GABRA2: variants seen among roughly 807,000 people sequenced by gnomAD.
GABRA2 encodes gamma-aminobutyric acid receptor subunit alpha-2.
A neutral mutation model predicts 48.7 loss-of-function variants in GABRA2; 16 were observed. That is an observed-to-expected ratio of 0.33 (90% CI 0.22 to 0.50). GABRA2 has a LOEUF of 0.50. Ranked by LOEUF, GABRA2 falls within the 20% of genes least tolerant of loss-of-function variation. The probability of loss-of-function intolerance (pLI) is 0.98; values close to 1 mark genes in which losing one functional copy is unlikely to be tolerated. For synonymous variants in GABRA2, 185 were observed against 184.5 expected (o/e 1.00, Z -0.02); for missense variants, 275 against 535.6 (o/e 0.51, Z 4.80).
chr4:46,244,883 T>C lies in GABRA2; in HGVS notation c.*5425A>G, dbSNP rs1239946324. Among the ~76,000 whole-genome samples the C allele has an allele frequency of 6.6e-6, 1 of 151,366 alleles. No homozygotes were observed. The highest frequency in any genetic ancestry group is 1.5e-5 in the Non-Finnish European group (1 of 67,520). ...CTTACTGTACAGTACAGTTTTATTG[T>C]TGAGTGTTTGCTTTTTACTTGTTTG... is the stretch of plus-strand genomic sequence containing the variant. On this transcript the variant is annotated 3_prime_UTR_variant, in exon 10 of 10. Coordinates refer to ENST00000381620, the MANE Select transcript of GABRA2 (RefSeq NM_000807.4).
intron 3 of GABRA2, among the ~76,000 whole-genome samples, chr4:46,378,222 G>A (rs1171398120): frequency 4.6e-5 from 7 of 152,224 alleles, no homozygotes; most frequent in Non-Finnish European, 7.3e-5. Context: ...GGAAAGGGGG[G>A]AAGGGTGGGG....
In GABRA2 at chr4:46,244,049, C is replaced by T. The variant is rs1481821710; in HGVS notation, c.*6259G>A. On this transcript the variant is annotated 3_prime_UTR_variant, in exon 10 of 10. Transcript: ENST00000381620. ...GAAAATCTTGAAAATTTATAGAAGA[C>T]CAACAATTTTAAAATCAAGTGTAGT... 3.3e-5 allele frequency: 5 copies of T among 151,260 alleles called. No homozygotes were observed. The highest frequency in any genetic ancestry group is 1.2e-4 in the African/African-American group (5 of 41,330). 9.4% of individuals were successfully genotyped at this position (151,260 alleles called of 1,614,324 possible). A position where few individuals can be genotyped will look rare whatever the true frequency, so the allele number is the denominator to read the frequency against.
chr4:46,317,897 G>A (rs1728811581), intron 4 of GABRA2, among the ~76,000 whole-genome samples: 1 of 151,482 alleles, frequency 6.6e-6, no homozygotes, highest in Non-Finnish European at 1.5e-5. Flanking sequence ...TAAAATACTG[G>A]TCAATGATAG....
At chr4:46,360,480 G>A (rs994008330) in intron 3 of GABRA2, among the ~76,000 whole-genome samples, 3 of 152,154 alleles carry the variant, frequency 2.0e-5, no homozygotes, top group Admixed American at 1.3e-4. Flanking sequence ...GCTCCTCATT[G>A]CCTGTCACCA....
intron 3 of GABRA2, among the ~76,000 whole-genome samples, chr4:46,343,425 T>C (rs1733627309): frequency 6.6e-6 from 1 of 151,784 alleles, no homozygotes; most frequent in Non-Finnish European, 1.5e-5. Context: ...TATAAAGAGG[T>C]GCATTATAAA....
intron 9 of GABRA2, among the ~76,000 whole-genome samples, chr4:46,254,075 C>A (rs1318260631): frequency 6.6e-6 from 1 of 151,366 alleles, no homozygotes; most frequent in Non-Finnish European, 1.5e-5. Flanking sequence ...CTTTATAAGA[C>A]ACAGATTTGA....
chr4:46,251,616 C>A (rs555391358), intron 9 of GABRA2, among the ~76,000 whole-genome samples: 1 of 151,530 alleles, frequency 6.6e-6, no homozygotes, highest in East Asian at 2.0e-4. Flanking sequence ...GGTTTAAATG[C>A]CATTTCCTAA....
At chr4:46,303,266 C>A in intron 8 of GABRA2, 194 bp downstream of exon 8, 1 of 540,430 alleles carries the variant, frequency 1.9e-6, no homozygotes, top group Non-Finnish European at 3.3e-6. Flanking sequence ...GAGTACTTTT[C>A]TTTCCTTATA....
At chr4:46,325,791 A>G (rs921914628) in intron 4 of GABRA2, among the ~76,000 whole-genome samples, 42 of 152,132 alleles carry the variant, frequency 2.8e-4, no homozygotes, top group African/African-American at 1.0e-3. Context: ...TCTTCTGCAT[A>G]TGGCTAGCCA....
chr4:46,371,781 C>T (rs911181824), intron 3 of GABRA2, among the ~76,000 whole-genome samples: 1 of 152,100 alleles, frequency 6.6e-6, no homozygotes, highest in African/African-American at 2.4e-5. Flanking sequence ...AAGTTTACCA[C>T]CACCACCATT....
intron 4 of GABRA2, among the ~76,000 whole-genome samples, chr4:46,324,377 G>A (rs1039324508): frequency 6.6e-6 from 1 of 151,676 alleles, no homozygotes; most frequent in Non-Finnish European, 1.5e-5. Flanking sequence ...ATATCCCCTA[G>A]AAAATATATG....
chr4:46,300,718 T>C (rs1308801174), intron 8 of GABRA2, among the ~76,000 whole-genome samples: 3 of 152,066 alleles, frequency 2.0e-5, no homozygotes, highest in African/African-American at 7.2e-5. Flanking sequence ...TCCACTTAAA[T>C]TATCCAAGAA....
intron 8 of GABRA2, among the ~76,000 whole-genome samples, chr4:46,294,411 A>G (rs1339431653): frequency 1.3e-5 from 2 of 152,206 alleles, no homozygotes; most frequent in South Asian, 2.1e-4. Flanking sequence ...TACAACCAAG[A>G]AAGAGGCACA....
intron 8 of GABRA2, among the ~76,000 whole-genome samples, chr4:46,276,754 A>G (rs1029720749): frequency 6.6e-6 from 1 of 151,994 alleles, no homozygotes; most frequent in African/African-American, 2.4e-5. Flanking sequence ...GTGTGTCTCA[A>G]TGTTTTTGTC....
chr4:46,303,948 A>G (rs1726189434), intron 7 of GABRA2, among the ~76,000 whole-genome samples: 1 of 152,190 alleles, frequency 6.6e-6, no homozygotes. Flanking sequence ...TCCCTAATCA[A>G]AATATATAAA....
At chr4:46,312,979 A>C (rs1477589997) in intron 4 of GABRA2, among the ~76,000 whole-genome samples, 3 of 151,968 alleles carry the variant, frequency 2.0e-5, no homozygotes, top group Non-Finnish European at 4.4e-5. Context: ...TTAGTTGAAC[A>C]AGGTCTCAGT....
chr4:46,382,129 C>A (rs1360628911), intron 3 of GABRA2, among the ~76,000 whole-genome samples: 1 of 150,428 alleles, frequency 6.6e-6, no homozygotes, highest in Non-Finnish European at 1.5e-5. Flanking sequence ...GCAAAAGAGA[C>A]AAAAATGTGC....
rs1560448519 is a variant in GABRA2, at chr4:46,265,428, ATATATATATAATATATTGTG to A, written c.857-3320_857-3301del. 9.6e-4 allele frequency among the ~76,000 whole-genome samples: 118 copies of A among 122,988 alleles called. 3 individuals are homozygous for A. Among genetic ancestry groups the A allele is most frequent in the African/African-American group, 4.0e-3 (107 of 26,984 alleles). The allele number at this position is 122,988 out of a possible 152,430, so 80.7% of individuals were successfully genotyped here. A position where few individuals can be genotyped will look rare whatever the true frequency, so the allele number is the denominator to read the frequency against. On this transcript the variant is annotated intron_variant, in intron 8 of 9. Transcript: ENST00000381620. ...TGTGTATATATATAATATATTGTGT[ATATATATATAATATATTGTG>A]TATATATATAATATATATATAATAT...
chr4:46,340,302 A>G (rs1473860217), intron 3 of GABRA2, among the ~76,000 whole-genome samples: 1 of 151,956 alleles, frequency 6.6e-6, no homozygotes, highest in Non-Finnish European at 1.5e-5. Flanking sequence ...TCACAAAGTT[A>G]TACCACATTA....
Sources: allele counts gnomAD v4.1 joint callset (sites outside exome capture counted in the v4.1 genomes callset), GRCh38; gene constraint gnomAD v4.1.1; transcripts MANE v1.5; gene names NCBI Gene and HGNC (gene_info 2026-07-23, HGNC 2026-07-21).